The following TRPM8 variants were observed in gnomAD, a reference collection of about 807,000 sequenced individuals.
TRPM8 encodes TRPM8 cationic channel.
TRPM8 carries 110 observed loss-of-function variants against 133.7 expected under a neutral mutation model. The observed-to-expected ratio is 0.82, with a 90% CI of 0.70 to 0.96. TRPM8 has a LOEUF of 0.96. Ranked by LOEUF, TRPM8 falls within the 40% of genes least tolerant of loss-of-function variation. TRPM8 has a pLI of 0.00. For missense variants in TRPM8, 1,291 were observed against 1,379.5 expected, an observed-to-expected ratio of 0.94 and a Z score of 1.02; for synonymous variants, 535 against 532.3, an observed-to-expected ratio of 1.01 and a Z score of -0.07.
intron 10 of TRPM8, 118 bp downstream of exon 10, chr2:233,954,137 G>T: frequency 1.6e-6 from 1 of 622,026 alleles, no homozygotes; most frequent in South Asian, 2.8e-5. Flanking sequence ...ACTTAATTTT[G>T]ATGATCCTAG....
chr2:234,014,107 G>A (rs532605064), intron 24 of TRPM8, among the ~76,000 whole-genome samples: 6 of 152,196 alleles, frequency 3.9e-5, no homozygotes, highest in African/African-American at 1.4e-4. Flanking sequence ...CTGTTTTTGT[G>A]TGTGTGGGGA....
chr2:233,921,484 G>T (rs1047281135), intron 1 of TRPM8, among the ~76,000 whole-genome samples: 2 of 152,212 alleles, frequency 1.3e-5, no homozygotes, highest in Non-Finnish European at 2.9e-5. Context: ...CCAATTAAAA[G>T]AGTTTATTCA....
rs892938514 is a variant in TRPM8 at position 233,927,771 on chromosome 2, T to C, written c.117+1117T>C. 4.2e-3 allele frequency among the ~76,000 whole-genome samples: 258 copies of C among 61,608 alleles called. 10 individuals are homozygous for C. The highest frequency in any genetic ancestry group is 0.02 in the African/African-American group (95 of 4,768). The allele number at this position is 61,608 out of a possible 152,430, so 40.4% of individuals were successfully genotyped here. ...CTTTCTTTCTTTCTTTCTTTCTTTC[T>C]TTCTTTCTTTCTTTCTTTCTTTTCT... On this transcript the variant is annotated intron_variant, in intron 2 of 25. Transcript: ENST00000324695.
intron 22 of TRPM8, among the ~76,000 whole-genome samples, chr2:233,998,909 C>T (rs1692478756): frequency 6.6e-6 from 1 of 152,084 alleles, no homozygotes; most frequent in Admixed American, 6.5e-5. Context: ...TGCTGATCAC[C>T]CTTCTAGTCT....
intron 9 of TRPM8, 88 bp downstream of exon 9, chr2:233,950,234 C>T: frequency 7.7e-7 from 1 of 1,294,902 alleles, no homozygotes. Context: ...ACTCCACCAG[C>T]AGCTGCACGT....
chr2:233,960,108 C>T (rs774374692), intron 11 of TRPM8, among the ~76,000 whole-genome samples: 1 of 152,070 alleles, frequency 6.6e-6, no homozygotes, highest in Non-Finnish European at 1.5e-5. Flanking sequence ...ATCAGAAGCC[C>T]AGAATGTAGA....
chr2:233,947,757 T>C (rs563761506), intron 8 of TRPM8, among the ~76,000 whole-genome samples: 1 of 152,348 alleles, frequency 6.6e-6, no homozygotes, highest in East Asian at 1.9e-4. Flanking sequence ...GTTTGACGTT[T>C]TTTTGTTTTT....
chr2:233,943,845 G>A (rs954531243), intron 6 of TRPM8, among the ~76,000 whole-genome samples: 2 of 152,098 alleles, frequency 1.3e-5, no homozygotes, highest in Admixed American at 6.5e-5. Flanking sequence ...CTCCCATCTG[G>A]GCTCCTTAGA....
intron 24 of TRPM8, among the ~76,000 whole-genome samples, chr2:234,011,076 A>G (rs1000685284): frequency 8.5e-5 from 13 of 152,194 alleles, no homozygotes; most frequent in East Asian, 1.9e-4. Flanking sequence ...GTTTTCCCCT[A>G]TGCTTTCTTC....
chr2:233,929,905 C>T (rs1691647370), intron 2 of TRPM8, among the ~76,000 whole-genome samples: 1 of 152,192 alleles, frequency 6.6e-6, no homozygotes, highest in Admixed American at 6.5e-5. Flanking sequence ...TTTGCATTTG[C>T]TCATTCTGAA....
intron 19 of TRPM8, 56 bp from the exon 20 acceptor site, chr2:233,982,997 G>A (rs1246804020): frequency 4.5e-6 from 7 of 1,571,516 alleles, no homozygotes; most frequent in African/African-American, 1.3e-5. Flanking sequence ...CGGGCCGGGG[G>A]GACTTGCCAA....
rs750049221 is a variant in TRPM8, at chr2:233,926,614, C to G, written c.77C>G (p.Ser26Cys). The G allele has an allele frequency of 1.9e-6, 3 of 1,614,008 alleles. No homozygotes were observed. The highest frequency in any genetic ancestry group is 2.7e-5 in the African/African-American group (2 of 74,910). The change falls in exon 2 of 26, where the codon TCC becomes TGC. Residue 26 changes from serine to cysteine, a missense_variant. Transcript: ENST00000324695. The stretch of plus-strand genomic sequence containing the variant: ...CTGGACAGCACCCGGACCCTGTACT[C>G]CAGCGCGTCTCGGAGCACAGACTTG... Reference protein sequence around the residue: ...DTLDSTRTLYSSASRSTDLSY... With the variant: ...DTLDSTRTLYCSASRSTDLSY...
chr2:233,971,418 G>A (rs1050805290), intron 17 of TRPM8, among the ~76,000 whole-genome samples: 2 of 152,178 alleles, frequency 1.3e-5, no homozygotes, highest in African/African-American at 4.8e-5. Context: ...CATTTTGATC[G>A]ATTAGTGATG....
chr2:233,936,240 T>C (rs978248415), intron 3 of TRPM8, among the ~76,000 whole-genome samples: 2 of 152,206 alleles, frequency 1.3e-5, no homozygotes, highest in Non-Finnish European at 2.9e-5. Flanking sequence ...CATCTTGGGC[T>C]GCTGTGAAGC....
chr2:233,930,732 C>A lies in TRPM8; in HGVS notation c.182C>A (p.Ser61Tyr), dbSNP rs200448470. The change falls in exon 3 of 26, where the codon TCC (serine) becomes TAC (tyrosine). Residue 61 changes from serine to tyrosine, a missense_variant. Around this residue, in one of 2 missense-constraint regions of TRPM8, gnomAD observed 963 missense variants for 968.9 expected, o/e 0.99. Transcript: ENST00000324695. The stretch of plus-strand genomic sequence containing the variant: ...GAATGTGTCTTCTTTACCAAAGATT[C>A]CAAGGCCACGTAAGCTACTATTTTC... ...KRECVFFTKDSKATENVCKCG... is the reference protein window; with the variant it reads ...KRECVFFTKDYKATENVCKCG... The A allele has an allele frequency of 1.8e-5, 29 of 1,606,530 alleles. No individual in the cohort carries two copies. The highest frequency in any genetic ancestry group is 4.0e-5 in the African/African-American group (3 of 74,768).
chr2:234,010,250 G>A (rs1463228068), intron 24 of TRPM8, among the ~76,000 whole-genome samples: 2 of 152,136 alleles, frequency 1.3e-5, no homozygotes, highest in Admixed American at 6.5e-5. Context: ...TCTGTGTCTG[G>A]CTAATTTTGT....
At chr2:234,000,740 G>A (rs957534244) in intron 22 of TRPM8, among the ~76,000 whole-genome samples, 11 of 150,970 alleles carry the variant, frequency 7.3e-5, no homozygotes, top group African/African-American at 2.0e-4. Context: ...GTGCAGTGGC[G>A]CAGTCTCGGC....
At chr2:233,979,292 A>G (rs1458169294) in intron 17 of TRPM8, among the ~76,000 whole-genome samples, 1 of 152,112 alleles carries the variant, frequency 6.6e-6, no homozygotes, top group East Asian at 1.9e-4. Flanking sequence ...TCTTTTCAAC[A>G]TGTTTAACAT....
chr2:233,992,850 G>A (rs974907966), intron 21 of TRPM8, among the ~76,000 whole-genome samples: 3 of 152,160 alleles, frequency 2.0e-5, no homozygotes, highest in Non-Finnish European at 4.4e-5. Flanking sequence ...CTTTGCTGAG[G>A]GGGTGTGCAC....
Sources: gnomAD v4.1 joint callset for allele counts (sites outside exome capture counted in the v4.1 genomes callset) on GRCh38, gnomAD v4.1.1 for gene constraint, gnomAD v4.1.1 regional missense constraint, MANE v1.5 for transcripts, NCBI Gene and HGNC (gene_info 2026-07-23, HGNC 2026-07-21) for gene names.